Variants in KCNG3 observed in about 807,000 individuals in gnomAD.
KCNG3 encodes voltage-gated potassium channel regulatory subunit KCNG3.
Under a neutral mutation model 29.0 loss-of-function variants are expected in KCNG3, and 15 were observed. The ratio of observed to expected loss-of-function variants is 0.52; its 90% CI spans 0.35 to 0.80. The LOEUF is 0.80. Among genes scored for constraint, KCNG3 ranks in the 30% least tolerant of loss-of-function variants. The probability of loss-of-function intolerance (pLI) is 0.01; values close to 1 mark genes in which losing one functional copy is unlikely to be tolerated. For synonymous variants in KCNG3, 322 were observed against 248.9 expected (o/e 1.29, Z -2.76); for missense variants, 512 against 605.7 (o/e 0.85, Z 1.62).
chr2:42,440,553 C>A (rs1378849827), downstream of KCNG3: 3 of 150,642 alleles, frequency 2.0e-5, no homozygotes, highest in African/African-American at 7.3e-5. Context: ...ATTCTCCCAA[C>A]ACCAACATCC....
At chr2:42,488,788 G>A (rs1421433761) in intron 1 of KCNG3, among the ~76,000 whole-genome samples, 2 of 152,034 alleles carry the variant, frequency 1.3e-5, no homozygotes, top group African/African-American at 4.8e-5. Flanking sequence ...GACCTCAGGT[G>A]ATCCGCCTGC....
chr2:42,487,087 G>A (rs1172946830), intron 1 of KCNG3, among the ~76,000 whole-genome samples: 1 of 149,086 alleles, frequency 6.7e-6, no homozygotes, highest in African/African-American at 2.5e-5. Context: ...AACCCAGGAG[G>A]CAGAGGTTGC....
At chr2:42,409,022 G>A in the KCNG3 span, among the ~76,000 whole-genome samples, 1 of 152,124 alleles carries the variant, frequency 6.6e-6, no homozygotes, top group African/African-American at 2.4e-5. Context: ...TGCCTGTGCT[G>A]GCACCTGGAG....
At chr2:42,470,713 A>G (rs1673264091) in intron 1 of KCNG3, among the ~76,000 whole-genome samples, 1 of 151,866 alleles carries the variant, frequency 6.6e-6, no homozygotes, top group Admixed American at 6.6e-5. Context: ...TGTCTCTACA[A>G]AAAAGTACAA....
At chr2:42,399,369 T>C in the KCNG3 span, among the ~76,000 whole-genome samples, 1 of 152,068 alleles carries the variant, frequency 6.6e-6, no homozygotes, top group South Asian at 2.1e-4. Context: ...TGTCCTTTTC[T>C]TTTTTATTTG....
At chr2:42,464,272 G>A (rs1673089519) in intron 1 of KCNG3, among the ~76,000 whole-genome samples, 1 of 152,124 alleles carries the variant, frequency 6.6e-6, no homozygotes, top group South Asian at 2.1e-4. Flanking sequence ...AAAACAAGTT[G>A]CCCAGGTTGG....
At chr2:42,395,683 G>C in the KCNG3 span, among the ~76,000 whole-genome samples, 1 of 152,186 alleles carries the variant, frequency 6.6e-6, no homozygotes, top group African/African-American at 2.4e-5. Flanking sequence ...AGCCAGCCAT[G>C]TTGACTCACG....
intron 1 of KCNG3, among the ~76,000 whole-genome samples, chr2:42,482,985 G>T (rs1286260709): frequency 6.6e-6 from 1 of 152,048 alleles, no homozygotes; most frequent in Admixed American, 6.6e-5. Context: ...GCCAGGCACG[G>T]TGGTGTGTGC....
chr2:42,486,534 T>C (rs1572866742), intron 1 of KCNG3, among the ~76,000 whole-genome samples: 2 of 152,232 alleles, frequency 1.3e-5, no homozygotes, highest in Admixed American at 1.3e-4. Flanking sequence ...CCCTGCCTGA[T>C]AGGTCCCATT....
chr2:42,419,034 G>A, the KCNG3 span, among the ~76,000 whole-genome samples: 1 of 151,922 alleles, frequency 6.6e-6, no homozygotes, highest in Non-Finnish European at 1.5e-5. Context: ...GATTAAGAAT[G>A]TACTCAAATT....
chr2:42,493,119 G>A lies in KCNG3; in HGVS notation c.383C>T (p.Ser128Leu), dbSNP rs1553332773. Reference protein sequence around the residue: ...DRMSDTYTFYSADEPGVLGRD... With the variant: ...DRMSDTYTFYLADEPGVLGRD... ...GCCCAGCACGCCCGGCTCGTCGGCCGAGTAGAAGGTGTAGGTGTCGGACAT... is the reference window on the plus strand; with the variant it reads ...GCCCAGCACGCCCGGCTCGTCGGCCAAGTAGAAGGTGTAGGTGTCGGACAT... The change falls in exon 1 of 2, where the codon TCG becomes TTG. Residue 128 changes from serine (S) to leucine (L), a missense_variant. Transcript: ENST00000306078. The A allele has an allele frequency of 4.4e-6, 7 of 1,598,280 alleles. No homozygotes were observed. The South Asian group carries it at 7.8e-5, about 18-fold the overall frequency.
rs7578869 is a variant in KCNG3, at chr2:42,493,580, G to T, written c.-79C>A. On this transcript the variant is annotated 5_prime_UTR_variant, in exon 1 of 2. Transcript: ENST00000306078. The stretch of plus-strand genomic sequence containing the variant: ...CCAAGCCGCCACGCGGGGCCTGCCT[G>T]CCCGTGGCTGACGGGGGAGCGCGCC... The T allele has an allele frequency of 4.2e-3, 5,114 of 1,212,058 alleles. 166 individuals are homozygous for T. In the African/African-American group the frequency reaches 0.073, roughly 17 times the overall value. 75.1% of individuals were successfully genotyped at this position (1,212,058 alleles called of 1,614,324 possible).
Position 42,463,048 on chromosome 2 carries a change from T to C in KCNG3, c.666-18469A>G, listed in dbSNP as rs149103528. 2.7e-3 allele frequency: 435 copies of C among 160,118 alleles called. 2 individuals are homozygous for C. Among genetic ancestry groups the C allele is most frequent in the African/African-American group, 0.01 (418 of 41,706 alleles). The allele number at this position is 160,118 out of a possible 1,614,324, so 9.9% of individuals were successfully genotyped here. A position where few individuals can be genotyped will look rare whatever the true frequency, so the allele number is the denominator to read the frequency against. ...AGCATGAAATGTAGCAATACTTGCATCTCAAATATATGTTAAAAGATACAT... is the reference window on the plus strand; with the variant it reads ...AGCATGAAATGTAGCAATACTTGCACCTCAAATATATGTTAAAAGATACAT... On this transcript the variant is annotated intron_variant, in intron 1 of 1. Coordinates refer to ENST00000306078, the MANE Select transcript of KCNG3 (RefSeq NM_133329.6).
chr2:42,451,970 G>C (rs555110198), intron 1 of KCNG3, among the ~76,000 whole-genome samples: 64 of 151,970 alleles, frequency 4.2e-4, no homozygotes, highest in Admixed American at 9.2e-4. Flanking sequence ...TACAGAATGG[G>C]AGATGATATT....
At chr2:42,437,328 C>A (rs557928546), downstream of KCNG3, among the ~76,000 whole-genome samples, 1 of 152,230 alleles carries the variant, frequency 6.6e-6, no homozygotes, top group African/African-American at 2.4e-5. Context: ...CCATGACCCA[C>A]GATTCTAACT....
chr2:42,416,982 C>T, the KCNG3 span, among the ~76,000 whole-genome samples: 2 of 152,112 alleles, frequency 1.3e-5, no homozygotes, highest in African/African-American at 4.8e-5. Context: ...GGCACGGTGG[C>T]TCATGCCTGT....
the KCNG3 span, among the ~76,000 whole-genome samples, chr2:42,428,189 T>C: frequency 6.6e-6 from 1 of 151,476 alleles, no homozygotes; most frequent in Admixed American, 6.6e-5. Context: ...CCTGGGCATG[T>C]TGGCTCACAT....
chr2:42,458,090 C>G (rs952856513), intron 1 of KCNG3, among the ~76,000 whole-genome samples: 2 of 152,096 alleles, frequency 1.3e-5, no homozygotes, highest in Non-Finnish European at 2.9e-5. Flanking sequence ...TTTTTACATT[C>G]CTCACTTGAT....
intron 1 of KCNG3, among the ~76,000 whole-genome samples, chr2:42,448,719 G>C (rs1348649534): frequency 6.6e-6 from 1 of 152,178 alleles, no homozygotes; most frequent in African/African-American, 2.4e-5. Context: ...GCCGGGAGCG[G>C]TGGCTCATGC....
Sources: gnomAD v4.1 joint callset for allele counts (sites outside exome capture counted in the v4.1 genomes callset) on GRCh38, gnomAD v4.1.1 for gene constraint, MANE v1.5 for transcripts, NCBI Gene and HGNC (gene_info 2026-07-23, HGNC 2026-07-21) for gene names.